The following ULK4 variants were observed in gnomAD, a reference collection of about 807,000 sequenced individuals.
ULK4 encodes the protein unc-51 like kinase 4, also known as inactive serine/threonine-protein kinase ULK4.
Under a neutral mutation model 160.6 loss-of-function variants are expected in ULK4, and 133 were observed. The observed-to-expected ratio is 0.83, with a 90% CI of 0.72 to 0.96. The LOEUF is 0.96. ULK4 is among the 40% of genes least tolerant of loss of function. The pLI, the probability that ULK4 is intolerant of heterozygous loss-of-function variation, is 0.00. For missense variants in ULK4, 1,580 were observed against 1,499.5 expected (o/e 1.05, Z -0.89); for synonymous variants, 534 against 539.8 (o/e 0.99, Z 0.15).
chr3:41,839,333 C>T (rs1313028294), intron 17 of ULK4, among the ~76,000 whole-genome samples: 6 of 148,030 alleles, frequency 4.1e-5, no homozygotes, highest in Non-Finnish European at 7.5e-5. Context: ...GAGCAAGACT[C>T]TGTCTCAAAA....
chr3:41,491,183 G>T (rs891619819), intron 32 of ULK4, among the ~76,000 whole-genome samples: 11 of 152,086 alleles, frequency 7.2e-5, no homozygotes, highest in African/African-American at 2.4e-4. Flanking sequence ...CCATATTTTT[G>T]AATAGGAAAG....
At chr3:41,358,840 G>A (rs979101438) in intron 35 of ULK4, among the ~76,000 whole-genome samples, 1 of 152,134 alleles carries the variant, frequency 6.6e-6, no homozygotes, top group African/African-American at 2.4e-5. Context: ...TCTGGCTGCT[G>A]TGTTGAGAAT....
At chr3:41,959,238 G>A (rs541929209) in intron 1 of ULK4, among the ~76,000 whole-genome samples, 4 of 152,090 alleles carry the variant, frequency 2.6e-5, no homozygotes, top group South Asian at 4.2e-4. Flanking sequence ...GGTGGCACGC[G>A]CCTGTAGTCC....
rs141039673 is a variant in ULK4 at position 41,473,597 on chromosome 3, G to A, written c.3227-10344C>T. Among the ~76,000 whole-genome samples, 36 of 147,222 alleles carry A rather than the reference G, an allele frequency of 2.4e-4. No homozygotes were observed. The East Asian group carries it at 6.5e-3, about 27-fold the overall frequency. ...GCATCGCTTGAACCTGGTAGGCGGA[G>A]GTTGCAGTGAGCTGAGATCGCACCA... On this transcript the variant is annotated intron_variant, in intron 32 of 36. Transcript: ENST00000301831.
chr3:41,290,259 G>A (rs187214697), intron 35 of ULK4, among the ~76,000 whole-genome samples: 11 of 152,266 alleles, frequency 7.2e-5, no homozygotes, highest in Non-Finnish European at 1.6e-4. Flanking sequence ...CAATGATGCC[G>A]ACAGCTAAGT....
At chr3:41,365,005 T>C (rs191445423) in intron 35 of ULK4, among the ~76,000 whole-genome samples, 62 of 152,304 alleles carry the variant, frequency 4.1e-4, no homozygotes, top group South Asian at 3.9e-3. Flanking sequence ...TCCCAAGTAA[T>C]GATTTGGCTG....
At chr3:41,673,092 T>C (rs1307941424) in intron 29 of ULK4, among the ~76,000 whole-genome samples, 1 of 152,038 alleles carries the variant, frequency 6.6e-6, no homozygotes, top group Non-Finnish European at 1.5e-5. Context: ...TGCCTGCCTC[T>C]ATCTATCAAA....
intron 20 of ULK4, among the ~76,000 whole-genome samples, chr3:41,794,083 T>A (rs2040224803): frequency 6.6e-6 from 1 of 152,188 alleles, no homozygotes; most frequent in South Asian, 2.1e-4. Context: ...TCTATCAAGT[T>A]CCCAAGAAAT....
intron 12 of ULK4, among the ~76,000 whole-genome samples, chr3:41,903,636 T>C (rs1234506363): frequency 6.6e-6 from 1 of 150,780 alleles, no homozygotes; most frequent in African/African-American, 2.4e-5. Context: ...AATTAAAAAA[T>C]TGTATGCAAA....
chr3:41,291,659 TTAAAA>T (rs1161000699), intron 35 of ULK4, among the ~76,000 whole-genome samples: 2 of 151,698 alleles, frequency 1.3e-5, no homozygotes, highest in Non-Finnish European at 2.9e-5. Flanking sequence ...TACTCAGCAG[TTAAAA>T]TAAAGAAACT....
intron 27 of ULK4, among the ~76,000 whole-genome samples, chr3:41,702,453 T>C (rs923646800): frequency 3.3e-5 from 5 of 152,080 alleles, no homozygotes; most frequent in African/African-American, 1.2e-4. Flanking sequence ...CCCAGACAAA[T>C]TAATTTTAAA....
At chr3:41,337,890 G>A (rs1044989274) in intron 35 of ULK4, among the ~76,000 whole-genome samples, 4 of 152,152 alleles carry the variant, frequency 2.6e-5, no homozygotes, top group Non-Finnish European at 5.9e-5. Context: ...TCAGGGGATA[G>A]GCTGGTAAAG....
chr3:41,896,848 C>T lies in ULK4; in HGVS notation c.1504G>A (p.Ala502Thr), dbSNP rs1208761059. ...AGGGGGGAATGGAGGAGCCTGGTGGCCACCTCCTGGTGACCAGCCACCACG... is the reference window on the plus strand; with the variant it reads ...AGGGGGGAATGGAGGAGCCTGGTGGTCACCTCCTGGTGACCAGCCACCACG... ...LCVVAGHQEV[A>T]TRLLHSPLFQ... Residue 502 changes from alanine to threonine, a missense_variant, in exon 15 of 37, where the codon GCC (alanine) becomes ACC (threonine). Coordinates refer to ENST00000301831, the MANE Select transcript of ULK4 (RefSeq NM_017886.4). The T allele has an allele frequency of 6.8e-6, 11 of 1,612,808 alleles. No homozygotes were observed. Among genetic ancestry groups the T allele is most frequent in the South Asian group, 1.1e-5 (1 of 91,002 alleles).
chr3:41,439,479 A>C (rs2083112397), intron 34 of ULK4, among the ~76,000 whole-genome samples: 1 of 152,186 alleles, frequency 6.6e-6, no homozygotes, highest in Non-Finnish European at 1.5e-5. Flanking sequence ...GAAAATAATA[A>C]AGCAAGCTAA....
At chr3:41,901,574 G>A (rs1384288850) in intron 12 of ULK4, among the ~76,000 whole-genome samples, 7 of 146,588 alleles carry the variant, frequency 4.8e-5, no homozygotes, top group African/African-American at 1.3e-4. Context: ...TCTGCCTCCC[G>A]AGTTGAAGCA....
At chr3:41,960,044 AT>A (rs11359429) in intron 1 of ULK4, among the ~76,000 whole-genome samples, 130,119 of 148,708 alleles carry the variant, frequency 0.87, 59,186 homozygotes, top group East Asian at 1. Flanking sequence ...TAAAATCTTG[AT>A]TTTTTTTTTT....
At chr3:41,305,097 G>C (rs550974721) in intron 35 of ULK4, among the ~76,000 whole-genome samples, 1 of 152,286 alleles carries the variant, frequency 6.6e-6, no homozygotes, top group East Asian at 1.9e-4. Context: ...AAAGAGATGT[G>C]AATAGGAATG....
intron 34 of ULK4, among the ~76,000 whole-genome samples, chr3:41,433,036 G>A (rs1434999969): frequency 6.6e-6 from 1 of 152,076 alleles, no homozygotes; most frequent in Admixed American, 6.6e-5. Context: ...TATCTTTATA[G>A]TGAAAATACC....
At chr3:41,685,132 C>T (rs1335822377) in intron 27 of ULK4, among the ~76,000 whole-genome samples, 1 of 152,214 alleles carries the variant, frequency 6.6e-6, no homozygotes, top group African/African-American at 2.4e-5. Flanking sequence ...CCATGAACAA[C>T]TTCTGACTTC....
Sources: gnomAD v4.1 joint callset for allele counts (sites outside exome capture counted in the v4.1 genomes callset) on GRCh38, gnomAD v4.1.1 for gene constraint, MANE v1.5 for transcripts, NCBI Gene and HGNC (gene_info 2026-07-23, HGNC 2026-07-21) for gene names.